The following AKR1B15 variants were observed in gnomAD, a reference collection of about 807,000 sequenced individuals.
The protein encoded by AKR1B15 is aldo-keto reductase family 1 member B15.
Under a neutral mutation model 38.5 loss-of-function variants are expected in AKR1B15, and 49 were observed. The observed-to-expected ratio is 1.27, with a 90% CI of 1.01 to 1.62. The LOEUF (loss-of-function observed/expected upper bound fraction) is 1.62. Ranked by LOEUF, AKR1B15 falls within the 40% of genes most tolerant of loss-of-function variation. AKR1B15 has a pLI of 0.00. For synonymous variants in AKR1B15, 137 were observed against 135.5 expected (o/e 1.01, Z -0.08); for missense variants, 411 against 381.6 (o/e 1.08, Z -0.64).
intron 11 of AKR1B15, 71 bp downstream of exon 11, chr7:134,577,857 G>T: frequency 1.3e-6 from 2 of 1,544,344 alleles, no homozygotes; most frequent in East Asian, 2.3e-5. Context: ...TAGTTGGAAG[G>T]ATTAGAAGGT....
intron 11 of AKR1B15, 76 bp downstream of exon 11, chr7:134,577,862 G>T: frequency 1.3e-6 from 2 of 1,524,820 alleles, no homozygotes; most frequent in Admixed American, 3.7e-5. Context: ...GGAAGGATTA[G>T]AAGGTTGTTG....
At chr7:134,569,341 A>G in intron 4 of AKR1B15, 72 bp from the exon 5 acceptor site, 4 of 1,563,794 alleles carry the variant, frequency 2.6e-6, no homozygotes, top group Non-Finnish European at 3.5e-6. Context: ...CAAATCAAAA[A>G]GCAGGGACAA....
rs1324061926 is a variant in AKR1B15, at chr7:134,579,617, C to A, written c.*68C>A. The A allele has an allele frequency of 3.6e-6, 5 of 1,403,666 alleles. No homozygotes were observed. Among genetic ancestry groups the A allele is most frequent in the Non-Finnish European group, 4.8e-6 (5 of 1,031,746 alleles). The allele number at this position is 1,403,666 out of a possible 1,614,324, so 87.0% of individuals were successfully genotyped here. ...TCGCTGAAGTGTGACTGTCTCCACT[C>A]AAGAACTATTTTAGCCAAGCTTATC... On this transcript the variant is annotated 3_prime_UTR_variant, in exon 12 of 12. Coordinates refer to ENST00000457545, the MANE Select transcript of AKR1B15 (RefSeq NM_001080538.3).
intron 11 of AKR1B15, among the ~76,000 whole-genome samples, chr7:134,579,232 A>G (rs1234861030): frequency 6.6e-6 from 1 of 152,144 alleles, no homozygotes; most frequent in African/African-American, 2.4e-5. Context: ...GATTGGGACA[A>G]GACTTGTCTG....
At chr7:134,565,805 T>G (rs1383436344) in intron 3 of AKR1B15, among the ~76,000 whole-genome samples, 1 of 152,150 alleles carries the variant, frequency 6.6e-6, no homozygotes, top group African/African-American at 2.4e-5. Flanking sequence ...TTAAAATTGT[T>G]TTCCAGGGCA....
intron 2 of AKR1B15, among the ~76,000 whole-genome samples, chr7:134,559,018 A>C (rs1251061664): frequency 6.6e-6 from 1 of 152,192 alleles, no homozygotes; most frequent in Non-Finnish European, 1.5e-5. Flanking sequence ...ACCCGAGTCA[A>C]GAAGGTGCCG....
chr7:134,552,168 C>T (rs1279542496), intron 1 of AKR1B15, among the ~76,000 whole-genome samples: 2 of 152,186 alleles, frequency 1.3e-5, no homozygotes, highest in Non-Finnish European at 2.9e-5. Flanking sequence ...AGTGCCCCTT[C>T]TCCCTCCTCG....
chr7:134,578,811 A>C (rs996183645), intron 11 of AKR1B15, among the ~76,000 whole-genome samples: 2 of 152,212 alleles, frequency 1.3e-5, no homozygotes, highest in African/African-American at 2.4e-5. Context: ...ACAATGGCTT[A>C]GTTTCATCCG....
At chr7:134,570,908 G>A (rs1429997532) in intron 5 of AKR1B15, among the ~76,000 whole-genome samples, 2 of 152,220 alleles carry the variant, frequency 1.3e-5, no homozygotes, top group Non-Finnish European at 2.9e-5. Context: ...TATCACCTTT[G>A]TCTAGATTCC....
intron 4 of AKR1B15, 27 bp from the exon 5 acceptor site, chr7:134,569,386 A>C (rs1794616159): frequency 6.2e-7 from 1 of 1,612,536 alleles, no homozygotes; most frequent in Non-Finnish European, 8.5e-7. Context: ...TCCCAGTATT[A>C]CTAGCTCATT....
chr7:134,576,035 G>T (rs1214665981), intron 8 of AKR1B15, 108 bp downstream of exon 8: 8 of 1,496,606 alleles, frequency 5.3e-6, no homozygotes, highest in Non-Finnish European at 7.1e-6. Flanking sequence ...AAAAATGTGT[G>T]TAAGGTAACA....
chr7:134,579,628 T>C lies in AKR1B15; in HGVS notation c.*79T>C. The C allele has an allele frequency of 7.7e-7, 1 of 1,304,476 alleles. No homozygotes were observed. Among genetic ancestry groups the C allele is most frequent in the South Asian group, 1.4e-5 (1 of 69,470 alleles). 80.8% of individuals were successfully genotyped at this position (1,304,476 alleles called of 1,614,324 possible). The stretch of plus-strand genomic sequence containing the variant: ...TGACTGTCTCCACTCAAGAACTATT[T>C]TAGCCAAGCTTATCTGAGATCACAG... On this transcript the variant is annotated 3_prime_UTR_variant, in exon 12 of 12. Coordinates refer to ENST00000457545, the MANE Select transcript of AKR1B15 (RefSeq NM_001080538.3).
chr7:134,577,639 C>T (rs1196998992), intron 10 of AKR1B15, 65 bp from the exon 11 acceptor site: 24 of 1,551,886 alleles, frequency 1.5e-5, no homozygotes, highest in East Asian at 7.0e-5. Context: ...CTAGAATGGC[C>T]GGCAGTCTCC....
chr7:134,573,526 A>G (rs1585812670), intron 6 of AKR1B15: 1 of 985,448 alleles, frequency 1.0e-6, no homozygotes, highest in Non-Finnish European at 1.2e-6. Context: ...TGAAACGAGC[A>G]TGCTTGAATA....
chr7:134,559,397 G>A (rs1383734451), intron 2 of AKR1B15, among the ~76,000 whole-genome samples: 1 of 151,984 alleles, frequency 6.6e-6, no homozygotes, highest in Admixed American at 6.5e-5. Context: ...AAATTATGAC[G>A]ACCAAAACAA....
In AKR1B15 at chr7:134,577,005, C is replaced by T. The variant is rs1439091867; in HGVS notation, c.868C>T (p.Pro290Ser). 6 of 1,613,842 alleles carry T rather than the reference C, an allele frequency of 3.7e-6. No homozygotes were observed. The highest frequency in any genetic ancestry group is 5.1e-6 in the Non-Finnish European group (6 of 1,179,878). ...FHIQRNVTVI[P>S]KSMTPAHIVE... ...TATCCAGAGGAATGTGACAGTGATC[C>T]CCAAGTCTATGACACCAGCACACAT... The change falls in exon 10 of 12, where the codon CCC becomes TCC. Residue 290 changes from proline to serine, a missense_variant. Pro to Ser is a moderately conservative substitution (Grantham distance 74). This residue lies in a region of AKR1B15 where 133 missense variants were observed against 120.3 expected (regional missense o/e 1.11). Coordinates refer to ENST00000457545, the MANE Select transcript of AKR1B15 (RefSeq NM_001080538.3).
intron 3 of AKR1B15, chr7:134,565,033 A>G (rs1794501514): frequency 6.0e-6 from 2 of 332,954 alleles, no homozygotes; most frequent in Admixed American, 8.7e-5. Context: ...TGCACCAATC[A>G]GCACTCTGTA....
chr7:134,554,810 C>A (rs1023199147), intron 1 of AKR1B15, among the ~76,000 whole-genome samples: 3 of 152,220 alleles, frequency 2.0e-5, no homozygotes, highest in Non-Finnish European at 2.9e-5. Context: ...CATCCCTCAA[C>A]ATGGACTGCC....
At chr7:134,562,322 C>T (rs150251244) in intron 2 of AKR1B15, among the ~76,000 whole-genome samples, 4 of 152,272 alleles carry the variant, frequency 2.6e-5, no homozygotes, top group South Asian at 4.1e-4. Context: ...GGTACCTAAG[C>T]GGGTTGCCTA....
Sources: allele counts gnomAD v4.1 joint callset (sites outside exome capture counted in the v4.1 genomes callset), GRCh38; gene constraint gnomAD v4.1.1; regional missense constraint gnomAD v4.1.1; transcripts MANE v1.5; gene names NCBI Gene and HGNC (gene_info 2026-07-23, HGNC 2026-07-21).